The following USH2A variants were observed in gnomAD, a reference collection of about 807,000 sequenced individuals.
USH2A encodes usherin.
A neutral mutation model predicts 538.9 loss-of-function variants in USH2A; 443 were observed. That is an observed-to-expected ratio of 0.82 (90% CI 0.76 to 0.89). USH2A has a LOEUF of 0.89. USH2A is among the 40% of genes least tolerant of loss of function. The pLI is 0.00. For missense variants in USH2A, 6,633 were observed against 6,324.8 expected (o/e 1.05, Z -1.65); for synonymous variants, 2,413 against 2,273.5 (o/e 1.06, Z -1.75).
At chr1:215,800,925 C>A (rs1662310549) in intron 49 of USH2A, among the ~76,000 whole-genome samples, 1 of 152,050 alleles carries the variant, frequency 6.6e-6, no homozygotes, top group Admixed American at 6.6e-5. Flanking sequence ...CAAAATGATT[C>A]TGCAACATGA....
chr1:216,052,474 T>C (rs1355079750), intron 30 of USH2A, among the ~76,000 whole-genome samples: 3 of 152,080 alleles, frequency 2.0e-5, no homozygotes, highest in Non-Finnish European at 4.4e-5. Context: ...TTTCAAAAAA[T>C]GTGCTGCATT....
intron 58 of USH2A, among the ~76,000 whole-genome samples, chr1:215,747,286 T>C (rs1335771962): frequency 6.6e-6 from 1 of 152,198 alleles, no homozygotes; most frequent in Non-Finnish European, 1.5e-5. Context: ...TATACTATTT[T>C]TCTCCATAAA....
At chr1:215,913,022 C>T (rs1665853913) in intron 38 of USH2A, among the ~76,000 whole-genome samples, 1 of 152,124 alleles carries the variant, frequency 6.6e-6, no homozygotes, top group African/African-American at 2.4e-5. Flanking sequence ...AATTTTGATT[C>T]AAAACCTCAT....
At chr1:215,862,580 C>T (rs951448203) in intron 44 of USH2A, among the ~76,000 whole-genome samples, 2 of 152,094 alleles carry the variant, frequency 1.3e-5, no homozygotes, top group Admixed American at 1.3e-4. Flanking sequence ...AAAAAAAATG[C>T]TTTTATCTGA....
At chr1:216,371,320 T>G (rs2038710075) in intron 3 of USH2A, among the ~76,000 whole-genome samples, 1 of 152,214 alleles carries the variant, frequency 6.6e-6, no homozygotes, top group Non-Finnish European at 1.5e-5. Context: ...AAATATGACA[T>G]AGTTTTTAGT....
At chr1:216,359,023 T>C (rs991823284) in intron 4 of USH2A, among the ~76,000 whole-genome samples, 1 of 152,172 alleles carries the variant, frequency 6.6e-6, no homozygotes, top group African/African-American at 2.4e-5. Context: ...GGATTAAATA[T>C]TGAAATAAGG....
At chr1:215,798,700 T>G (rs929147782) in intron 50 of USH2A, among the ~76,000 whole-genome samples, 1 of 152,118 alleles carries the variant, frequency 6.6e-6, no homozygotes. Context: ...GGAAAAAAAA[T>G]TGATGCGTTT....
intron 38 of USH2A, among the ~76,000 whole-genome samples, chr1:215,931,736 T>C (rs1666368388): frequency 6.6e-6 from 1 of 152,044 alleles, no homozygotes; most frequent in Admixed American, 6.6e-5. Flanking sequence ...ACCTACCATG[T>C]GTCAGGTTTA....
chr1:216,246,605 C>T lies in USH2A; in HGVS notation c.2789G>A (p.Arg930Lys). ...CTTACCTGGTTGACACTGATTACAC[C>T]TTCTTCCTTGACGATTAGGCACACA... ...CLCVPNRQGRRCNQCQPGFYI... is the reference protein window; with the variant it reads ...CLCVPNRQGRKCNQCQPGFYI... Residue 930 changes from arginine to lysine, a missense_variant, in exon 13 of 72, where the codon AGG becomes AAG. By Grantham distance (26) the Arg-to-Lys change is conservative (BLOSUM62 2). Coordinates refer to ENST00000307340, the MANE Select transcript of USH2A (RefSeq NM_206933.4). 1.2e-6 allele frequency: 2 copies of T among 1,614,018 alleles called. No homozygotes were observed. The highest frequency in any genetic ancestry group is 2.2e-5 in the East Asian group (1 of 44,864).
intron 38 of USH2A, among the ~76,000 whole-genome samples, chr1:215,924,949 G>A (rs74141463): frequency 0.013 from 1,977 of 152,114 alleles, 51 homozygotes; most frequent in African/African-American, 0.045. Flanking sequence ...ACACTTCAAA[G>A]TTTCCTTCCC....
chr1:215,988,088 T>C (rs1667914693), intron 35 of USH2A, among the ~76,000 whole-genome samples: 1 of 152,168 alleles, frequency 6.6e-6, no homozygotes, highest in South Asian at 2.1e-4. Flanking sequence ...AAGTGTACCA[T>C]TGTGTTATCT....
At chr1:216,057,727 A>G (rs1487245206) in intron 30 of USH2A, among the ~76,000 whole-genome samples, 1 of 152,098 alleles carries the variant, frequency 6.6e-6, no homozygotes, top group Non-Finnish European at 1.5e-5. Flanking sequence ...CAAATATTGG[A>G]ATATTAATTT....
chr1:216,064,204 A>G (rs2031275232), intron 30 of USH2A, among the ~76,000 whole-genome samples: 1 of 152,024 alleles, frequency 6.6e-6, no homozygotes. Context: ...ATTTCTATTT[A>G]CTCATTCATT....
intron 58 of USH2A, among the ~76,000 whole-genome samples, chr1:215,746,139 G>A (rs765872464): frequency 3.6e-4 from 54 of 152,108 alleles, no homozygotes; most frequent in South Asian, 6.2e-4. Context: ...CTGTCTATGT[G>A]AAATTTACAC....
intron 14 of USH2A, among the ~76,000 whole-genome samples, chr1:216,230,162 G>T (rs1052004493): frequency 3.7e-4 from 56 of 152,050 alleles, no homozygotes; most frequent in African/African-American, 1.3e-3. Flanking sequence ...TGGTAAATGT[G>T]GTCAGAACTA....
chr1:215,801,395 TAA>T (rs544514897), intron 49 of USH2A, among the ~76,000 whole-genome samples: 57 of 135,068 alleles, frequency 4.2e-4, no homozygotes, highest in African/African-American at 1.1e-3. Flanking sequence ...ATAAAGATTC[TAA>T]AAAAAAAAAA....
intron 13 of USH2A, among the ~76,000 whole-genome samples, chr1:216,245,462 TC>T (rs1452469429): frequency 1.0e-5 from 1 of 95,868 alleles, no homozygotes; most frequent in Non-Finnish European, 2.2e-5. Flanking sequence ...AGAGGTAAAG[TC>T]CCCTTCTGAG....
At chr1:215,840,890 T>C (rs928042769) in intron 46 of USH2A, among the ~76,000 whole-genome samples, 1 of 152,206 alleles carries the variant, frequency 6.6e-6, no homozygotes, top group Admixed American at 6.5e-5. Context: ...ATGATTTCTA[T>C]TTCATAATTT....
intron 27 of USH2A, among the ~76,000 whole-genome samples, chr1:216,077,263 A>G (rs2031783744): frequency 6.6e-6 from 1 of 152,160 alleles, no homozygotes; most frequent in Admixed American, 6.6e-5. Context: ...CTATGAGTTA[A>G]CTTCTCACCT....
Sources: gnomAD v4.1 joint callset for allele counts (sites outside exome capture counted in the v4.1 genomes callset) on GRCh38, gnomAD v4.1.1 for gene constraint, MANE v1.5 for transcripts, NCBI Gene and HGNC (gene_info 2026-07-23, HGNC 2026-07-21) for gene names.